Variants in EGF observed in about 807,000 individuals in gnomAD.
EGF encodes the protein pro-epidermal growth factor.
In EGF, 95 loss-of-function variants were observed where a neutral mutation model predicts 143.8. The observed-to-expected ratio is 0.66, with a 90% CI of 0.56 to 0.78. The LOEUF is 0.78. Among genes scored for constraint, EGF ranks in the 30% least tolerant of loss-of-function variants. The pLI, the probability that EGF is intolerant of heterozygous loss-of-function variation, is 0.00. For synonymous variants in EGF, 510 were observed against 510.5 expected (o/e 1.00, Z 0.01); for missense variants, 1,320 against 1,470.9 (o/e 0.90, Z 1.68).
intron 22 of EGF, among the ~76,000 whole-genome samples, chr4:110,007,061 G>A (rs1034087441): frequency 6.6e-6 from 1 of 152,194 alleles, no homozygotes; most frequent in African/African-American, 2.4e-5. Context: ...AGTGGGTTGC[G>A]TGTTGATTTT....
intron 21 of EGF, among the ~76,000 whole-genome samples, chr4:110,002,407 C>T (rs749783769): frequency 1.1e-4 from 17 of 152,090 alleles, no homozygotes; most frequent in Non-Finnish European, 2.2e-4. Flanking sequence ...GTGGGAGGAT[C>T]GCTTGAGCCA....
At chr4:109,944,357 A>T (rs372591073) in intron 4 of EGF, among the ~76,000 whole-genome samples, 1 of 152,204 alleles carries the variant, frequency 6.6e-6, no homozygotes, top group East Asian at 1.9e-4. Context: ...GAGAATGGCG[A>T]GAACCCGGGA....
At position 109,941,048 on chromosome 4, in the gene EGF, T is replaced by G. The variant is rs1201021409; in HGVS notation, c.230T>G (p.Val77Gly). The change falls in exon 2 of 24, where the codon GTG becomes GGG. Residue 77 changes from valine (V) to glycine (G), a missense_variant. Val to Gly is a moderately radical substitution (Grantham distance 109). Around this residue, in one of 5 missense-constraint regions of EGF, gnomAD observed 9 missense variants for 26.6 expected, o/e 0.34. Transcript: ENST00000265171. The stretch of plus-strand genomic sequence containing the variant: ...TTGGTGGTGGATGCTGGTGTCTCAG[T>G]GATCATGGATTTTCATTATAATGAG... ...EQLVVDAGVS[V>G]IMDFHYNEKR... 2 of 1,614,044 alleles carry G rather than the reference T, an allele frequency of 1.2e-6. No homozygotes were observed. The highest frequency in any genetic ancestry group is 2.7e-5 in the African/African-American group (2 of 75,042).
intron 10 of EGF, among the ~76,000 whole-genome samples, chr4:109,966,406 T>C (rs1008501581): frequency 3.9e-5 from 6 of 152,282 alleles, no homozygotes; most frequent in African/African-American, 1.2e-4. Flanking sequence ...AGTATTCCAT[T>C]GTATATATAT....
rs780719136 is a variant in EGF at position 109,999,741 on chromosome 4, G to A, written c.3068G>A (p.Arg1023His). The change falls in exon 21 of 24, where the codon CGC becomes CAC. Residue 1023 changes from arginine to histidine, a missense_variant. By Grantham distance (29) the Arg-to-His change is conservative (BLOSUM62 0). Around this residue, in one of 5 missense-constraint regions of EGF, gnomAD observed 1,186 missense variants for 1,313.7 expected, o/e 0.90. Coordinates refer to ENST00000265171, the MANE Select transcript of EGF (RefSeq NM_001963.6). ...QYRDLKWWELRHAGHGQQQKV... is the reference protein window; with the variant it reads ...QYRDLKWWELHHAGHGQQQKV... ...CGAGACCTGAAGTGGTGGGAACTGCGCCACGCTGGCCACGGGCAGCAGCAG... is the reference window on the plus strand; with the variant it reads ...CGAGACCTGAAGTGGTGGGAACTGCACCACGCTGGCCACGGGCAGCAGCAG... 39 of 1,613,910 alleles carry A rather than the reference G, an allele frequency of 2.4e-5. No homozygotes were observed. The highest frequency in any genetic ancestry group is 1.6e-4 in the Middle Eastern group (1 of 6,080).
chr4:109,963,503 C>A (rs1746044500), intron 9 of EGF, among the ~76,000 whole-genome samples: 1 of 152,134 alleles, frequency 6.6e-6, no homozygotes, highest in Non-Finnish European at 1.5e-5. Flanking sequence ...TCTTAATTAG[C>A]ATCCGGCAAA....
intron 9 of EGF, 35 bp downstream of exon 9, chr4:109,963,333 A>G (rs747624637): frequency 6.2e-7 from 1 of 1,610,658 alleles, no homozygotes. Context: ...TGTGTCCCTG[A>G]AAAAAAATTC....
Position 109,980,059 on chromosome 4 carries a change from C to T in EGF, c.2141C>T (p.Thr714Ile). ...TCAGTAATGAGAGTAAACAAGAGGA[C>T]TGGCAAAGATAGAGTACGTCTCCAA... ...MPSVMRVNKR[T>I]GKDRVRLQGS... is the part of the protein sequence containing the mutation. The change falls in exon 14 of 24, where the codon ACT (threonine) becomes ATT (isoleucine). Residue 714 changes from threonine (T) to isoleucine (I), a missense_variant. Physicochemically the swap from Thr to Ile is moderately conservative, Grantham distance 89. Coordinates refer to ENST00000265171, the MANE Select transcript of EGF (RefSeq NM_001963.6). The T allele has an allele frequency of 6.2e-7, 1 of 1,614,004 alleles. No homozygotes were observed. Among genetic ancestry groups the T allele is most frequent in the Non-Finnish European group, 8.5e-7 (1 of 1,179,942 alleles).
At chr4:109,986,348 AG>A (rs2126130660) in intron 16 of EGF, among the ~76,000 whole-genome samples, 2 of 152,338 alleles carry the variant, frequency 1.3e-5, no homozygotes, top group East Asian at 3.9e-4. Flanking sequence ...TTTGGGAGCT[AG>A]TCTTCCAAAT....
intron 5 of EGF, among the ~76,000 whole-genome samples, chr4:109,952,724 T>C (rs1425043498): frequency 1.3e-5 from 2 of 152,276 alleles, no homozygotes; most frequent in Non-Finnish European, 2.9e-5. Context: ...TCTTAGTGAC[T>C]AGAGTCACAT....
chr4:109,952,958 C>T (rs1260531270), intron 5 of EGF, among the ~76,000 whole-genome samples: 1 of 152,134 alleles, frequency 6.6e-6, no homozygotes, highest in East Asian at 1.9e-4. Context: ...TTTTTCTTGC[C>T]ACTTGTTTGT....
At chr4:109,993,107 T>C in intron 18 of EGF, 140 bp from the exon 19 acceptor site, 3 of 814,854 alleles carry the variant, frequency 3.7e-6, no homozygotes, top group South Asian at 6.7e-5. Context: ...AAAAAATATA[T>C]ATTAAAAAAA....
At chr4:109,940,868 G>C in intron 1 of EGF, 78 bp from the exon 2 acceptor site, 1 of 1,375,972 alleles carries the variant, frequency 7.3e-7, no homozygotes, top group African/African-American at 1.4e-5. Context: ...GCTTGTGTTG[G>C]TTGTCATTGG....
chr4:110,008,312 C>CCA lies in EGF; in HGVS notation c.3370+97_3370+98dup, dbSNP rs575333283. ...TTTTTCAATGAAAAGTCTCATTTAA[C>CCA]CACACACACACACACAAACAAAATA... On this transcript the variant is annotated intron_variant, in intron 23 of 23. Transcript: ENST00000265171. 651 of 1,440,824 alleles carry CCA rather than the reference C, an allele frequency of 4.5e-4. 1 individual carries two copies. In the East Asian group the frequency reaches 5.5e-3, roughly 12 times the overall value. The allele number at this position is 1,440,824 out of a possible 1,614,324, so 89.3% of individuals were successfully genotyped here.
chr4:109,989,618 C>T (rs1368252819), intron 18 of EGF, among the ~76,000 whole-genome samples: 1 of 152,170 alleles, frequency 6.6e-6, no homozygotes, highest in Non-Finnish European at 1.5e-5. Flanking sequence ...CATCTGTAAA[C>T]ACTCTTTTAA....
chr4:110,007,972 G>C (rs11569121), intron 22 of EGF, among the ~76,000 whole-genome samples, 180 bp from the exon 23 acceptor site: 1 of 152,036 alleles, frequency 6.6e-6, no homozygotes, highest in Non-Finnish European at 1.5e-5. Flanking sequence ...GTAACACAAG[G>C]CTCCTCACTG....
chr4:109,993,333 G>T lies in EGF; in HGVS notation c.2821G>T (p.Ala941Ser). The T allele has an allele frequency of 6.2e-7, 1 of 1,613,780 alleles. No individual in the cohort carries two copies. Among genetic ancestry groups the T allele is most frequent in the Non-Finnish European group, 8.5e-7 (1 of 1,179,896 alleles). Residue 941 changes from alanine (A) to serine (S), a missense_variant, in exon 19 of 24, where the codon GCT becomes TCT. Ala to Ser is a moderately conservative substitution (Grantham distance 99). Transcript: ENST00000265171. ...AGAGGGAGGCTATACCTGCATGTGT[G>T]CTGGACGCCTGTCTGAACCAGGACT... The part of the protein sequence containing the change: ...NTEGGYTCMC[A>S]GRLSEPGLIC...
At chr4:109,947,978 A>G (rs1743130099) in intron 5 of EGF, among the ~76,000 whole-genome samples, 1 of 152,194 alleles carries the variant, frequency 6.6e-6, no homozygotes, top group African/African-American at 2.4e-5. Context: ...CCTATCATCA[A>G]TCTCTCAGTT....
chr4:109,954,308 TC>T (rs1349861559), intron 5 of EGF, among the ~76,000 whole-genome samples: 1 of 152,212 alleles, frequency 6.6e-6, no homozygotes, highest in Non-Finnish European at 1.5e-5. Context: ...CGCCTTGGCC[TC>T]CCAAAGTGCT....
Sources: gnomAD v4.1 joint callset for allele counts (sites outside exome capture counted in the v4.1 genomes callset) on GRCh38, gnomAD v4.1.1 for gene constraint, gnomAD v4.1.1 regional missense constraint, MANE v1.5 for transcripts, NCBI Gene and HGNC (gene_info 2026-07-23, HGNC 2026-07-21) for gene names.